The following SP1 variants were observed in gnomAD, a reference collection of about 807,000 sequenced individuals.
The protein encoded by SP1 is Sp1 transcription factor, also known as transcription factor Sp1.
A neutral mutation model predicts 66.3 loss-of-function variants in SP1; 6 were observed. The ratio of observed to expected loss-of-function variants is 0.09; its 90% confidence interval spans 0.05 to 0.18. The LOEUF (loss-of-function observed/expected upper bound fraction) is 0.18. SP1 is among the 10% of genes least tolerant of loss of function. The probability of loss-of-function intolerance (pLI) is 1.00; values close to 1 mark genes in which losing one functional copy is unlikely to be tolerated. For synonymous variants in SP1, 417 were observed against 360.8 expected (o/e 1.16, Z -1.77); for missense variants, 848 against 964.5 (o/e 0.88, Z 1.60).
At chr12:53,394,904 G>A (rs867973137) in intron 3 of SP1, among the ~76,000 whole-genome samples, 6 of 151,308 alleles carry the variant, frequency 4.0e-5, no homozygotes, top group East Asian at 2.0e-4. Context: ...GTGAGCCACC[G>A]CGCCAGGCTG....
At chr12:53,396,885 T>TC (rs1938504007) in intron 3 of SP1, among the ~76,000 whole-genome samples, 1 of 152,116 alleles carries the variant, frequency 6.6e-6, no homozygotes, top group Admixed American at 6.6e-5. Flanking sequence ...AACCTTTGTC[T>TC]CCCAGAGTGC....
intron 3 of SP1, among the ~76,000 whole-genome samples, chr12:53,393,348 G>A (rs772113743): frequency 4.7e-5 from 7 of 150,474 alleles, no homozygotes; most frequent in Non-Finnish European, 1.0e-4. Context: ...GCCCAGGCGC[G>A]ATCTCTGCTC....
Position 53,380,962 on chromosome 12 carries a change from T to C in SP1, c.7+664T>C, listed in dbSNP as rs1280155766. 2.8e-5 allele frequency among the ~76,000 whole-genome samples: 4 copies of C among 143,724 alleles called. No individual in the cohort carries two copies. In the East Asian group the frequency reaches 8.0e-4, roughly 29 times the overall value. The allele number at this position is 143,724 out of a possible 152,430, so 94.3% of individuals were successfully genotyped here. On this transcript the variant is annotated intron_variant, in intron 1 of 5. Transcript: ENST00000327443. ...TTTGTTTGTCTTTTTTTTTTTTTTT[T>C]TTTTTGAGACGGAGTTTTCGCTCTT...
At position 53,411,654 on chromosome 12, in the gene SP1, T is replaced by C. The variant is rs1199023015; in HGVS notation, c.*414T>C. ...TTAACAAAAAACAGATTCTATATTATTATATATATATATATATATATAAAG... is the reference window on the plus strand; with the variant it reads ...TTAACAAAAAACAGATTCTATATTACTATATATATATATATATATATAAAG... On this transcript the variant is annotated 3_prime_UTR_variant, in exon 6 of 6. Transcript: ENST00000327443. 7.0e-6 allele frequency: 1 copy of C among 142,106 alleles called. No individual in the cohort carries two copies. The highest frequency in any genetic ancestry group is 2.6e-5 in the African/African-American group (1 of 38,460). The allele number at this position is 142,106 out of a possible 1,614,324, so 8.8% of individuals were successfully genotyped here.
chr12:53,414,278 C>T lies in SP1; in HGVS notation c.*3038C>T, dbSNP rs1264633135. On this transcript the variant is annotated 3_prime_UTR_variant, in exon 6 of 6. Transcript: ENST00000327443. ...TGGTGAGATAGTAAAACACTTATTC[C>T]CTCATCCTTTCAGGTTTTCAGGTTG... 6.6e-6 allele frequency: 1 copy of T among 152,492 alleles called. No homozygotes were observed. The highest frequency in any genetic ancestry group is 2.4e-5 in the African/African-American group (1 of 41,396). 9.4% of individuals were successfully genotyped at this position (152,492 alleles called of 1,614,324 possible).
rs1358826141 is a variant in SP1 at position 53,415,892 on chromosome 12, C to T, written c.*4652C>T. The stretch of plus-strand genomic sequence containing the variant: ...CCTTTCTCCCAGTGAAATCCCATAG[C>T]CCTTACCTAGAGTCTAGGGCACAAA... On this transcript the variant is annotated 3_prime_UTR_variant, in exon 6 of 6. Transcript: ENST00000327443. 1 of 152,536 alleles carries T rather than the reference C, an allele frequency of 6.6e-6. No individual in the cohort carries two copies. The highest frequency in any genetic ancestry group is 2.4e-5 in the African/African-American group (1 of 41,394). The allele number at this position is 152,536 out of a possible 1,614,324, so 9.4% of individuals were successfully genotyped here.
chr12:53,404,271 C>G (rs1004450488), intron 3 of SP1, among the ~76,000 whole-genome samples: 1 of 151,728 alleles, frequency 6.6e-6, no homozygotes, highest in African/African-American at 2.4e-5. Flanking sequence ...CGGTGACTCA[C>G]GCCTGTAATC....
rs190858969 is a variant in SP1 at position 53,393,449 on chromosome 12, A to G, written c.1675+9827A>G. ...ACAGGCAAGCACCACCATGCCAGCT[A>G]ATTTTGTATTTTTAGTAGAGATGGA... On this transcript the variant is annotated intron_variant, in intron 3 of 5. Transcript: ENST00000327443. Among the ~76,000 whole-genome samples the G allele has an allele frequency of 3.4e-3, 513 of 150,168 alleles. 1 individual carries two copies. Among genetic ancestry groups the G allele is most frequent in the African/African-American group, 0.011 (438 of 40,764 alleles).
chr12:53,403,004 C>T (rs1274027487), intron 3 of SP1, among the ~76,000 whole-genome samples: 2 of 151,436 alleles, frequency 1.3e-5, no homozygotes. Context: ...TAGCCAGGCA[C>T]GGTGGCGGGA....
intron 3 of SP1, among the ~76,000 whole-genome samples, chr12:53,392,481 C>G (rs549261701): frequency 2.0e-5 from 3 of 149,076 alleles, no homozygotes; most frequent in Non-Finnish European, 4.5e-5. Flanking sequence ...CTCAGCCTCC[C>G]AAGTAGCTGG....
intron 3 of SP1, among the ~76,000 whole-genome samples, chr12:53,391,148 T>C (rs2136899042): frequency 6.6e-6 from 1 of 152,298 alleles, no homozygotes; most frequent in Non-Finnish European, 1.5e-5. Flanking sequence ...TTATTTTTCA[T>C]ATTTCTTACA....
Position 53,411,266 on chromosome 12 carries a change from T to C in SP1, c.*26T>C, listed in dbSNP as rs188667526. On this transcript the variant is annotated 3_prime_UTR_variant, in exon 6 of 6. Coordinates refer to ENST00000327443, the MANE Select transcript of SP1 (RefSeq NM_138473.3). ...GATCAGGCACCCGGGGCCAGAGACA[T>C]ATGGGCCATACCCCTTAACCCCGGG... 28 of 1,585,176 alleles carry C rather than the reference T, an allele frequency of 1.8e-5. No homozygotes were observed. The South Asian group carries it at 2.4e-4, about 14-fold the overall frequency.
rs982048389 is a variant in SP1, at chr12:53,414,595, T to C, written c.*3355T>C. 44 of 152,658 alleles carry C rather than the reference T, an allele frequency of 2.9e-4. No homozygotes were observed. Among genetic ancestry groups the C allele is most frequent in the African/African-American group, 9.9e-4 (41 of 41,438 alleles). The allele number at this position is 152,658 out of a possible 1,614,324, so 9.5% of individuals were successfully genotyped here. Reference sequence around the variant, plus strand: ...TATATACATATATATTTTTTGCTTTTGTATATCCTATATAGGAAACTAAGC... The same window carrying C: ...TATATACATATATATTTTTTGCTTTCGTATATCCTATATAGGAAACTAAGC... On this transcript the variant is annotated 3_prime_UTR_variant, in exon 6 of 6. Transcript: ENST00000327443.
intron 3 of SP1, among the ~76,000 whole-genome samples, chr12:53,386,939 T>G (rs1040509757): frequency 7.1e-6 from 1 of 140,982 alleles, no homozygotes; most frequent in Non-Finnish European, 1.5e-5. Flanking sequence ...CTTCTAGGTT[T>G]GTTTTTTTTT....
chr12:53,381,539 T>C (rs563658423), intron 1 of SP1, 120 bp from the exon 2 acceptor site: 2 of 853,804 alleles, frequency 2.3e-6, no homozygotes, highest in Admixed American at 6.1e-5. Flanking sequence ...ATTTTCTTTA[T>C]ACTGGTGGCT....
chr12:53,412,063 A>C lies in SP1; in HGVS notation c.*823A>C, dbSNP rs2136922448. The C allele has an allele frequency of 6.6e-6, 1 of 152,240 alleles. No homozygotes were observed. Among genetic ancestry groups the C allele is most frequent in the South Asian group, 2.1e-4 (1 of 4,828 alleles). 9.4% of individuals were successfully genotyped at this position (152,240 alleles called of 1,614,324 possible). A position where few individuals can be genotyped will look rare whatever the true frequency, so the allele number is the denominator to read the frequency against. On this transcript the variant is annotated 3_prime_UTR_variant, in exon 6 of 6. Coordinates refer to ENST00000327443, the MANE Select transcript of SP1 (RefSeq NM_138473.3). The stretch of plus-strand genomic sequence containing the variant: ...TTCAGGACCTTAGTTCCAGCAGCAG[A>C]ATGGAAAAATCCTTGAAGCCCAGGC...
intron 3 of SP1, among the ~76,000 whole-genome samples, chr12:53,393,680 A>G (rs1407448728): frequency 6.9e-6 from 1 of 144,974 alleles, no homozygotes; most frequent in Non-Finnish European, 1.5e-5. Context: ...TCACTGCAAC[A>G]TCCGCCTCCT....
At chr12:53,384,014 GGCTGGAGTGCAGTGGC>G (rs1333618263) in intron 3 of SP1, among the ~76,000 whole-genome samples, 1 of 149,806 alleles carries the variant, frequency 6.7e-6, no homozygotes, top group African/African-American at 2.5e-5. Context: ...CTGTCATCCA[GGCTGGAGTGCAGTGGC>G]GCGATCTCGG....
At chr12:53,398,332 G>C (rs1039973108) in intron 3 of SP1, among the ~76,000 whole-genome samples, 2 of 152,074 alleles carry the variant, frequency 1.3e-5, no homozygotes, top group Non-Finnish European at 2.9e-5. Flanking sequence ...TCCCAGGCTG[G>C]AGTGCAGTGC....
Sources: gnomAD v4.1 joint callset for allele counts (sites outside exome capture counted in the v4.1 genomes callset) on GRCh38, gnomAD v4.1.1 for gene constraint, MANE v1.5 for transcripts, NCBI Gene and HGNC (gene_info 2026-07-23, HGNC 2026-07-21) for gene names.